Variants in TMC2 observed in about 807,000 individuals in gnomAD.
TMC2 encodes transmembrane channel like 2.
A neutral mutation model predicts 105.9 loss-of-function variants in TMC2; 102 were observed. The ratio of observed to expected loss-of-function variants is 0.96; its 90% CI spans 0.82 to 1.14. TMC2 has a LOEUF of 1.14. Ranked by LOEUF, TMC2 falls within the 50% of genes most tolerant of loss-of-function variation. The pLI is 0.00. For synonymous variants in TMC2, 402 were observed against 422.8 expected (o/e 0.95, Z 0.60); for missense variants, 1,093 against 1,134.3 (o/e 0.96, Z 0.52).
At position 2,572,502 on chromosome 20, in the gene TMC2, T is replaced by C. The variant is rs565386546; in HGVS notation, c.645+233T>C. Among the ~76,000 whole-genome samples, 112 of 152,336 alleles carry C rather than the reference T, an allele frequency of 7.4e-4. No individual in the cohort carries two copies. In the South Asian group the frequency reaches 0.011, roughly 15 times the overall value. ...CAATACATTTGAGACTTGTCTTCTC[T>C]CCAGTGAATACACTTAGAGAACTAA... On this transcript the variant is annotated intron_variant, in intron 5 of 19. Coordinates refer to ENST00000358864, the MANE Select transcript of TMC2 (RefSeq NM_080751.3).
At chr20:2,589,763 A>G (rs971102760) in intron 7 of TMC2, among the ~76,000 whole-genome samples, 8 of 152,086 alleles carry the variant, frequency 5.3e-5, no homozygotes, top group African/African-American at 1.2e-4. Context: ...TCCGCCTCCC[A>G]GGTTCACGCC....
In TMC2 at chr20:2,558,892, C is replaced by T; in HGVS notation, c.401+118C>T. On this transcript the variant is annotated intron_variant, in intron 3 of 19. Coordinates refer to ENST00000358864, the MANE Select transcript of TMC2 (RefSeq NM_080751.3). This position sits in a 1 kb window ranked among gnomAD's most constrained non-coding sequence, Gnocchi z 4.6. Reference sequence around the variant, plus strand: ...TCCCCGGGGAGAGGCAGCCCGTGCCCTCGCTCTGGCTTCCGTGCCTCCCAG... The same window carrying T: ...TCCCCGGGGAGAGGCAGCCCGTGCCTTCGCTCTGGCTTCCGTGCCTCCCAG... 2 of 1,049,558 alleles carry T rather than the reference C, an allele frequency of 1.9e-6. No homozygotes were observed. Among genetic ancestry groups the T allele is most frequent in the South Asian group, 3.4e-5 (2 of 58,454 alleles). The allele number at this position is 1,049,558 out of a possible 1,614,324, so 65.0% of individuals were successfully genotyped here.
At chr20:2,632,064 C>T (rs1295785553) in intron 17 of TMC2, among the ~76,000 whole-genome samples, 2 of 151,606 alleles carry the variant, frequency 1.3e-5, no homozygotes, top group Non-Finnish European at 2.9e-5. Context: ...CTCTGTCACC[C>T]AGGCTAGAGT....
chr20:2,611,067 A>C (rs1163979690), intron 12 of TMC2, among the ~76,000 whole-genome samples: 1 of 152,216 alleles, frequency 6.6e-6, no homozygotes, highest in Non-Finnish European at 1.5e-5. Flanking sequence ...TGGGAGACAG[A>C]CTTCATTACA....
intron 7 of TMC2, among the ~76,000 whole-genome samples, chr20:2,583,280 T>C (rs936276851): frequency 1.3e-5 from 2 of 152,178 alleles, no homozygotes; most frequent in Non-Finnish European, 2.9e-5. Flanking sequence ...TTATGAAAGA[T>C]AGTGATTTCC....
intron 16 of TMC2, among the ~76,000 whole-genome samples, chr20:2,619,035 C>T (rs905763727): frequency 9.9e-5 from 15 of 152,112 alleles, no homozygotes; most frequent in Non-Finnish European, 1.8e-4. Flanking sequence ...GGGCCTCACC[C>T]GCCTCACTCT....
chr20:2,637,926 G>C (rs2086660555), intron 19 of TMC2, among the ~76,000 whole-genome samples: 1 of 152,172 alleles, frequency 6.6e-6, no homozygotes, highest in Admixed American at 6.5e-5. Flanking sequence ...GGCCCCATAA[G>C]ATTATAATGG....
At position 2,558,687 on chromosome 20, in the gene TMC2, C is replaced by A; in HGVS notation, c.314C>A (p.Ala105Asp). The A allele has an allele frequency of 6.2e-7, 1 of 1,602,978 alleles. No individual in the cohort carries two copies. Among genetic ancestry groups the A allele is most frequent in the African/African-American group, 1.3e-5 (1 of 74,854 alleles). ...CEGRRKRDERASFQERTAAPK... is the reference protein window; with the variant it reads ...CEGRRKRDERDSFQERTAAPK... Reference sequence around the variant, plus strand: ...GGCAGGAGAAAGCGCGACGAGAGGGCCTCCTTCCAGGAGCGGACAGCAGCC... The same window carrying A: ...GGCAGGAGAAAGCGCGACGAGAGGGACTCCTTCCAGGAGCGGACAGCAGCC... The change falls in exon 3 of 20, where the codon GCC becomes GAC. Residue 105 changes from alanine (A) to aspartate (D), a missense_variant. Ala to Asp is a moderately radical substitution (Grantham distance 126, BLOSUM62 -2). Transcript: ENST00000358864. This position sits in a 1 kb window ranked among gnomAD's most constrained non-coding sequence, Gnocchi z 4.6.
At chr20:2,628,182 A>G (rs1267803826) in intron 17 of TMC2, among the ~76,000 whole-genome samples, 1 of 151,970 alleles carries the variant, frequency 6.6e-6, no homozygotes, top group East Asian at 1.9e-4. Context: ...AAAAAAAAAA[A>G]ATCCAGAAAG....
rs2146253182 is a variant in TMC2, at chr20:2,620,848, G to A, written c.2181-3423G>A. Among the ~76,000 whole-genome samples, 6 of 152,282 alleles carry A rather than the reference G, an allele frequency of 3.9e-5. No homozygotes were observed. In the South Asian group the frequency reaches 1.2e-3, roughly 32 times the overall value. On this transcript the variant is annotated intron_variant, in intron 16 of 19. Transcript: ENST00000358864. ...ATTCTCAGGACTTTAAAACTTAATGGAGCTTGGCTGATTGGATTTCAAAAT... is the reference window on the plus strand; with the variant it reads ...ATTCTCAGGACTTTAAAACTTAATGAAGCTTGGCTGATTGGATTTCAAAAT...
At chr20:2,578,631 C>G (rs1367755810) in intron 5 of TMC2, among the ~76,000 whole-genome samples, 3 of 152,068 alleles carry the variant, frequency 2.0e-5, no homozygotes, top group African/African-American at 7.2e-5. Flanking sequence ...TGTTGTTCCC[C>G]CAGGAGAAGA....
At position 2,642,176 on chromosome 20, in the gene TMC2, G is replaced by A. The variant is rs548996373; in HGVS notation, c.*825G>A. 3.6e-4 allele frequency among the ~76,000 whole-genome samples: 55 copies of A among 152,310 alleles called. No individual in the cohort carries two copies. The highest frequency in any genetic ancestry group is 1.3e-3 in the African/African-American group (54 of 41,550). Reference sequence around the variant, plus strand: ...GTGGGAGGCCAGGGGTTTCAGATGAGCCTGAGCAACAGAGCAAGACCCTTG... The same window carrying A: ...GTGGGAGGCCAGGGGTTTCAGATGAACCTGAGCAACAGAGCAAGACCCTTG... On this transcript the variant is annotated 3_prime_UTR_variant, in exon 20 of 20. Coordinates refer to ENST00000358864, the MANE Select transcript of TMC2 (RefSeq NM_080751.3).
At chr20:2,555,715 A>G (rs906979586) in intron 2 of TMC2, among the ~76,000 whole-genome samples, 1 of 151,966 alleles carries the variant, frequency 6.6e-6, no homozygotes, top group Non-Finnish European at 1.5e-5. Flanking sequence ...CTTTGTTCCT[A>G]TTTTTATCTT....
At chr20:2,569,120 G>A (rs6114975) in intron 4 of TMC2, among the ~76,000 whole-genome samples, 18,844 of 152,118 alleles carry the variant, frequency 0.12, 1,423 homozygotes, top group African/African-American at 0.21. Flanking sequence ...TGTGGGACAG[G>A]AGGAGGAGCC....
Position 2,617,065 on chromosome 20 carries a change from A to G in TMC2, c.1941-7A>G, listed in dbSNP as rs2086487800. ...GCCAACCAGGTGTTTGGTTTCTGCC[A>G]TTCCAGGATGGGCTCCTTCTATGCT... On this transcript the variant is annotated splice_region_variant and splice_polypyrimidine_tract_variant and intron_variant, in intron 15 of 19. Transcript: ENST00000358864. The G allele has an allele frequency of 6.2e-7, 1 of 1,614,102 alleles. No individual in the cohort carries two copies. Among genetic ancestry groups the G allele is most frequent in the East Asian group, 2.2e-5 (1 of 44,878 alleles).
At position 2,597,342 on chromosome 20, in the gene TMC2, C is replaced by G. The variant is rs372758025; in HGVS notation, c.1224+44C>G. 5 of 1,586,108 alleles carry G rather than the reference C, an allele frequency of 3.2e-6. No individual in the cohort carries two copies. The African/African-American group carries it at 6.7e-5, about 21-fold the overall frequency. ...TTCCCACTTCCGGAGAACTCTAGGT[C>G]CCTCTGGTCATTGAGAGACTTCTCC... On this transcript the variant is annotated intron_variant, in intron 10 of 19. Coordinates refer to ENST00000358864, the MANE Select transcript of TMC2 (RefSeq NM_080751.3).
rs2086696626 is a variant in TMC2 at position 2,642,576 on chromosome 20, G to A, written c.*1225G>A. ...AGAGCGTTGTCTCTGGGGATTCTAT[G>A]TTCACTTAGTGTCATATCATGGTTC... On this transcript the variant is annotated 3_prime_UTR_variant, in exon 20 of 20. Coordinates refer to ENST00000358864, the MANE Select transcript of TMC2 (RefSeq NM_080751.3). Among the ~76,000 whole-genome samples the A allele has an allele frequency of 6.6e-6, 1 of 152,200 alleles. No homozygotes were observed. The highest frequency in any genetic ancestry group is 1.5e-5 in the Non-Finnish European group (1 of 68,030).
At position 2,550,342 on chromosome 20, in the gene TMC2, C is replaced by G. The variant is rs2085949382; in HGVS notation, c.83-8114C>G. Among the ~76,000 whole-genome samples, 7 of 152,262 alleles carry G rather than the reference C, an allele frequency of 4.6e-5. 1 individual carries two copies. The South Asian group carries it at 1.4e-3, about 32-fold the overall frequency. ...CCAACCTGGGCGACAGAACAAGACC[C>G]TGTCTCAAAAAAATAAAAATTAAAA... On this transcript the variant is annotated intron_variant, in intron 2 of 19. Transcript: ENST00000358864.
intron 4 of TMC2, among the ~76,000 whole-genome samples, chr20:2,564,150 CTTTTTTTTT>C (rs71193976): frequency 3.3e-5 from 4 of 120,076 alleles, no homozygotes; most frequent in Non-Finnish European, 6.6e-5. Flanking sequence ...TCAGCCTCCT[CTTTTTTTTT>C]TTTTTTTTTG....
Sources: allele counts gnomAD v4.1 joint callset (sites outside exome capture counted in the v4.1 genomes callset), GRCh38; gene constraint gnomAD v4.1.1; non-coding constraint Gnocchi (gnomAD v3.1); transcripts MANE v1.5; gene names NCBI Gene and HGNC (gene_info 2026-07-23, HGNC 2026-07-21).